GRIK2: variants seen among roughly 807,000 people sequenced by gnomAD.
GRIK2 encodes the protein glutamate ionotropic receptor kainate type subunit 2.
A neutral mutation model predicts 100.3 loss-of-function variants in GRIK2; 32 were observed. That is an observed-to-expected ratio of 0.32 (90% CI 0.24 to 0.43). The LOEUF (loss-of-function observed/expected upper bound fraction) is 0.43, where lower values mean the gene tolerates loss of function less well. GRIK2 is among the 20% of genes least tolerant of loss of function. GRIK2 has a pLI of 1.00. For synonymous variants in GRIK2, 417 were observed against 389.4 expected (o/e 1.07, Z -0.83); for missense variants, 843 against 1,114.9 (o/e 0.76, Z 3.47).
At chr6:101,561,721 G>A (rs1204659805) in intron 2 of GRIK2, among the ~76,000 whole-genome samples, 1 of 152,144 alleles carries the variant, frequency 6.6e-6, no homozygotes, top group Non-Finnish European at 1.5e-5. Flanking sequence ...CATTAGGCAT[G>A]CAAGAGGGAG....
intron 2 of GRIK2, among the ~76,000 whole-genome samples, chr6:101,433,917 C>A (rs1375402229): frequency 6.6e-6 from 1 of 152,062 alleles, no homozygotes; most frequent in African/African-American, 2.4e-5. Flanking sequence ...TCGTACAGGC[C>A]AGGAATAGAT....
At chr6:101,917,721 CT>C (rs947788603) in intron 12 of GRIK2, among the ~76,000 whole-genome samples, 86 of 151,112 alleles carry the variant, frequency 5.7e-4, no homozygotes, top group Non-Finnish European at 5.6e-4. Context: ...TCAAAATATT[CT>C]TTTTTCCCCA....
chr6:101,828,702 C>A (rs546605187), intron 10 of GRIK2, among the ~76,000 whole-genome samples: 7 of 151,958 alleles, frequency 4.6e-5, no homozygotes, highest in Non-Finnish European at 1.0e-4. Flanking sequence ...AACACACAAC[C>A]TTCCAAGATT....
intron 7 of GRIK2, among the ~76,000 whole-genome samples, chr6:101,747,482 A>C (rs1032915975): frequency 1.3e-5 from 2 of 152,166 alleles, no homozygotes; most frequent in African/African-American, 2.4e-5. Flanking sequence ...AGCTTTGTTC[A>C]ATTAGATAGC....
chr6:101,679,267 T>A (rs1771068730), intron 5 of GRIK2, among the ~76,000 whole-genome samples: 1 of 152,202 alleles, frequency 6.6e-6, no homozygotes, highest in East Asian at 1.9e-4. Context: ...CCCCCTCATA[T>A]TGTTGACCTT....
At chr6:101,604,045 A>T (rs1020100290) in intron 2 of GRIK2, among the ~76,000 whole-genome samples, 12 of 151,846 alleles carry the variant, frequency 7.9e-5, no homozygotes, top group Admixed American at 7.2e-4. Flanking sequence ...AAAGTAAAAA[A>T]GTTTTGTCTT....
chr6:101,468,620 T>A (rs1771783902), intron 2 of GRIK2, among the ~76,000 whole-genome samples: 1 of 152,196 alleles, frequency 6.6e-6, no homozygotes, highest in African/African-American at 2.4e-5. Context: ...GAAGTGCTTT[T>A]GAAATAGTTA....
intron 2 of GRIK2, among the ~76,000 whole-genome samples, chr6:101,531,636 G>T (rs1438313960): frequency 6.6e-6 from 1 of 151,822 alleles, no homozygotes; most frequent in Non-Finnish European, 1.5e-5. Flanking sequence ...TTGTATTACA[G>T]ATAAGCCAAA....
At chr6:101,658,041 T>G (rs1042177848) in intron 4 of GRIK2, among the ~76,000 whole-genome samples, 1 of 152,122 alleles carries the variant, frequency 6.6e-6, no homozygotes, top group Non-Finnish European at 1.5e-5. Flanking sequence ...GTGATCTCTT[T>G]TTTAAAATTT....
intron 14 of GRIK2, among the ~76,000 whole-genome samples, chr6:102,022,768 CTTCAAATAT>C (rs1353931131): frequency 6.6e-6 from 1 of 151,522 alleles, no homozygotes; most frequent in Non-Finnish European, 1.5e-5. Flanking sequence ...TCATTCATTT[CTTCAAATAT>C]TTATAGAGCA....
chr6:102,052,083 C>T (rs1180839709), intron 15 of GRIK2, among the ~76,000 whole-genome samples: 1 of 152,110 alleles, frequency 6.6e-6, no homozygotes, highest in East Asian at 1.9e-4. Context: ...AAGATTCTTT[C>T]GTTCTTTGGT....
intron 3 of GRIK2, among the ~76,000 whole-genome samples, chr6:101,623,511 G>A (rs1423613363): frequency 6.6e-6 from 1 of 152,050 alleles, no homozygotes; most frequent in Non-Finnish European, 1.5e-5. Flanking sequence ...TGCCTCTAAT[G>A]AAAGCATTTT....
In GRIK2 at chr6:101,811,458, A is replaced by G. The variant is rs370300370; in HGVS notation, c.1204-6912A>G. Among the ~76,000 whole-genome samples the G allele has an allele frequency of 2.8e-4, 43 of 152,218 alleles. 2 individuals carry two copies. In the South Asian group the frequency reaches 8.7e-3, roughly 31 times the overall value. On this transcript the variant is annotated intron_variant, in intron 9 of 16. Transcript: ENST00000369134. ...AGTCAATGCCAGTAAGAAAGTATAA[A>G]GAGAATTTTGATAGATTTGTATCAG...
chr6:101,832,392 A>G (rs1260933828), intron 10 of GRIK2, among the ~76,000 whole-genome samples: 2 of 152,206 alleles, frequency 1.3e-5, no homozygotes, highest in East Asian at 3.8e-4. Flanking sequence ...AAATGTTCTT[A>G]AATAGTAAAA....
At chr6:101,904,542 G>C (rs1257697722) in intron 12 of GRIK2, among the ~76,000 whole-genome samples, 4 of 151,398 alleles carry the variant, frequency 2.6e-5, no homozygotes, top group Non-Finnish European at 5.9e-5. Context: ...AGTGAACTTG[G>C]TCAGAAATTC....
chr6:101,407,213 C>T (rs968255611), intron 2 of GRIK2, among the ~76,000 whole-genome samples: 3 of 152,108 alleles, frequency 2.0e-5, no homozygotes, highest in East Asian at 1.9e-4. Context: ...TTAGTACATT[C>T]GGGTCCTTCC....
intron 2 of GRIK2, among the ~76,000 whole-genome samples, chr6:101,439,006 AG>A (rs1769893830): frequency 6.6e-6 from 1 of 152,170 alleles, no homozygotes; most frequent in African/African-American, 2.4e-5. Flanking sequence ...CGTTACTTTC[AG>A]TCCCAATTTT....
chr6:101,634,974 T>G (rs919279932), intron 4 of GRIK2, among the ~76,000 whole-genome samples: 1 of 152,042 alleles, frequency 6.6e-6, no homozygotes, highest in South Asian at 2.1e-4. Flanking sequence ...TTATTTTATC[T>G]TGCACGTATA....
chr6:101,505,517 A>C (rs1442057249), intron 2 of GRIK2, among the ~76,000 whole-genome samples: 4 of 152,166 alleles, frequency 2.6e-5, no homozygotes, highest in African/African-American at 9.6e-5. Flanking sequence ...ATTATACCAG[A>C]CATGGAAAAC....
Sources: gnomAD v4.1 joint callset for allele counts (sites outside exome capture counted in the v4.1 genomes callset) on GRCh38, gnomAD v4.1.1 for gene constraint, MANE v1.5 for transcripts, NCBI Gene and HGNC (gene_info 2026-07-23, HGNC 2026-07-21) for gene names.